MTCH1: variants seen among roughly 807,000 people sequenced by gnomAD.
MTCH1 encodes the protein mitochondrial carrier 1.
In MTCH1, 23 loss-of-function variants were observed where a neutral mutation model predicts 49.3. The ratio of observed to expected loss-of-function variants is 0.47; its 90% CI spans 0.34 to 0.66. MTCH1 has a LOEUF of 0.66. MTCH1 is among the 30% of genes least tolerant of loss of function. The pLI is 0.01. For synonymous variants in MTCH1, 229 were observed against 215.2 expected (o/e 1.06, Z -0.56); for missense variants, 397 against 532.1 (o/e 0.75, Z 2.50).
rs1381917341 is a variant in MTCH1, at chr6:36,986,153, T to C, written c.21A>G (p.Glu7=). Residue 7 remains glutamate, a synonymous_variant, in exon 1 of 12, where the codon GAA becomes GAG. Transcript: ENST00000373627. MGASDP[E]VAPWARGGAA... ...CACCGCCGCGAGCCCAGGGCGCCAC[T>C]TCCGGGTCCGAAGCTCCCATGGCGC... is the stretch of plus-strand genomic sequence containing the variant. 1.4e-6 allele frequency: 2 copies of C among 1,436,638 alleles called. No individual in the cohort carries two copies. Among genetic ancestry groups the C allele is most frequent in the Non-Finnish European group, 1.8e-6 (2 of 1,102,908 alleles). 89.0% of individuals were successfully genotyped at this position (1,436,638 alleles called of 1,614,324 possible). A position where few individuals can be genotyped will look rare whatever the true frequency, so the allele number is the denominator to read the frequency against.
At position 36,981,638 on chromosome 6, in the gene MTCH1, G is replaced by A. The variant is rs368915787; in HGVS notation, c.356C>T (p.Thr119Ile). 9.9e-6 allele frequency: 16 copies of A among 1,613,810 alleles called. No individual in the cohort carries two copies. In the African/African-American group the frequency reaches 2.0e-4, roughly 20 times the overall value. ...GAGGACCTTCCTCCCCAGCACATTG[G>A]TCCCAAGGGTGGGGGGCATCGGCTC... ...GHEPMPPTLG[T>I]NVLGRKVLYL... The change falls in exon 2 of 12, where the codon ACC becomes ATC. Residue 119 changes from threonine (T) to isoleucine (I), a missense_variant. Coordinates refer to ENST00000373627, the MANE Select transcript of MTCH1 (RefSeq NM_001271641.2).
chr6:36,978,961 C>T (rs151249550), intron 2 of MTCH1, among the ~76,000 whole-genome samples: 133 of 143,872 alleles, frequency 9.2e-4, no homozygotes, highest in Non-Finnish European at 1.1e-3. Context: ...TTAAATGCTG[C>T]AACACAGAAA....
intron 7 of MTCH1, among the ~76,000 whole-genome samples, chr6:36,975,323 C>T (rs1160337641): frequency 1.3e-5 from 2 of 152,254 alleles, no homozygotes; most frequent in African/African-American, 4.8e-5. Context: ...GATTTTCAGT[C>T]ATGTTTTAGC....
Position 36,986,151 on chromosome 6 carries a change from A to C in MTCH1, c.23T>G (p.Val8Gly), listed in dbSNP as rs1360410336. Residue 8 changes from valine to glycine, a missense_variant, in exon 1 of 12, where the codon GTG (valine) becomes GGG (glycine). Coordinates refer to ENST00000373627, the MANE Select transcript of MTCH1 (RefSeq NM_001271641.2). ...GGCACCGCCGCGAGCCCAGGGCGCC[A>C]CTTCCGGGTCCGAAGCTCCCATGGC... MGASDPEVAPWARGGAAG... is the reference protein window; with the variant it reads MGASDPEGAPWARGGAAG... 5 of 1,435,976 alleles carry C rather than the reference A, an allele frequency of 3.5e-6. No individual in the cohort carries two copies. In the East Asian group the frequency reaches 1.2e-4, roughly 36 times the overall value. The allele number at this position is 1,435,976 out of a possible 1,614,324, so 89.0% of individuals were successfully genotyped here.
At position 36,977,318 on chromosome 6, in the gene MTCH1, G is replaced by A. The variant is rs1258211639; in HGVS notation, c.650-68C>T. On this transcript the variant is annotated intron_variant, in intron 5 of 11. Coordinates refer to ENST00000373627, the MANE Select transcript of MTCH1 (RefSeq NM_001271641.2). The surrounding 1 kb of genome is among the most constrained non-coding windows in gnomAD (Gnocchi z 5.4). The stretch of plus-strand genomic sequence containing the variant: ...CACACTTCATAATGCTCCAGCCACC[G>A]GGTGCCAGGTGCAGAGTGGCCACTG... The A allele has an allele frequency of 2.0e-5, 31 of 1,562,394 alleles. No individual in the cohort carries two copies. The East Asian group carries it at 5.4e-4, about 27-fold the overall frequency.
At chr6:36,984,603 TCCC>T (rs982398384) in intron 1 of MTCH1, among the ~76,000 whole-genome samples, 2 of 151,908 alleles carry the variant, frequency 1.3e-5, no homozygotes, top group African/African-American at 2.4e-5. Flanking sequence ...TTTACCTTCC[TCCC>T]CCCAAGCTTC....
intron 11 of MTCH1, chr6:36,969,584 C>T: frequency 1.7e-6 from 2 of 1,169,060 alleles, no homozygotes; most frequent in Non-Finnish European, 1.1e-6. Flanking sequence ...CAGCCCCACC[C>T]ACAGGCTCTC....
intron 1 of MTCH1, 110 bp from the exon 2 acceptor site, chr6:36,981,782 C>A (rs974999840): frequency 3.4e-6 from 3 of 870,106 alleles, no homozygotes; most frequent in Non-Finnish European, 5.2e-6. Flanking sequence ...CCCACAAATT[C>A]TAATGTGGCT....
At chr6:36,969,006 AG>A in intron 11 of MTCH1, 32 bp from the exon 12 acceptor site, 1 of 1,611,760 alleles carries the variant, frequency 6.2e-7, no homozygotes, top group Non-Finnish European at 8.5e-7. Flanking sequence ...GGTGAGTGAA[AG>A]GGAGGCCACG....
rs750316963 is a variant in MTCH1, at chr6:36,968,942, G to A, written c.1131C>T (p.Phe377=). Residue 377 remains phenylalanine, a synonymous_variant, in exon 12 of 12, where the codon TTC becomes TTT. Transcript: ENST00000373627. The part of the protein sequence containing the change: ...GQLFRGSSLL[F]RRVSSGSCFA... ...AGCATGATCCTGATGACACCCGGCG[G>A]AAAAGCAGGCTGGAGCCTCGGAAGA... 1 of 1,614,122 alleles carries A rather than the reference G, an allele frequency of 6.2e-7. No individual in the cohort carries two copies. Among genetic ancestry groups the A allele is most frequent in the South Asian group, 1.1e-5 (1 of 91,084 alleles).
Position 36,972,180 on chromosome 6 carries a change from T to G in MTCH1, c.906+472A>C, listed in dbSNP as rs1348858033. ...GGAGAGCCCAGAGCCTCTCCAGAAT[T>G]TGTGATCTCTGGGTCTCGATTTCTG... On this transcript the variant is annotated intron_variant, in intron 8 of 11. Coordinates refer to ENST00000373627, the MANE Select transcript of MTCH1 (RefSeq NM_001271641.2). The surrounding 1 kb of genome is among the most constrained non-coding windows in gnomAD (Gnocchi z 4.1). Among the ~76,000 whole-genome samples, 1 of 152,126 alleles carries G rather than the reference T, an allele frequency of 6.6e-6. No individual in the cohort carries two copies. Among genetic ancestry groups the G allele is most frequent in the Non-Finnish European group, 1.5e-5 (1 of 68,022 alleles).
intron 2 of MTCH1, among the ~76,000 whole-genome samples, chr6:36,980,709 G>A (rs1355835760): frequency 6.6e-6 from 1 of 152,216 alleles, no homozygotes; most frequent in African/African-American, 2.4e-5. Flanking sequence ...CAACCAAACA[G>A]GTAAGAGCAG....
chr6:36,985,720 G>T, intron 1 of MTCH1, 133 bp downstream of exon 1: 1 of 344,946 alleles, frequency 2.9e-6, no homozygotes, highest in Non-Finnish European at 5.5e-6. Flanking sequence ...CACCCACTCG[G>T]CCCCCCAAAC....
rs1377948850 is a variant in MTCH1, at chr6:36,968,648, G to A, written c.*255C>T. On this transcript the variant is annotated 3_prime_UTR_variant, in exon 12 of 12. Transcript: ENST00000373627. ...AAGACAGACTCAGCAAATCTGCGAG[G>A]TATGGGGATTCTGCCAACTCCCCAC... 2 of 567,474 alleles carry A rather than the reference G, an allele frequency of 3.5e-6. No individual in the cohort carries two copies. Among genetic ancestry groups the A allele is most frequent in the Non-Finnish European group, 3.4e-6 (1 of 294,790 alleles). The allele number at this position is 567,474 out of a possible 1,614,324, so 35.2% of individuals were successfully genotyped here.
In MTCH1 at chr6:36,977,049, C is replaced by G. The variant is rs1434749065; in HGVS notation, c.701+150G>C. 5 of 776,482 alleles carry G rather than the reference C, an allele frequency of 6.4e-6. No homozygotes were observed. The highest frequency in any genetic ancestry group is 1.1e-5 in the Non-Finnish European group (5 of 456,458). 48.1% of individuals were successfully genotyped at this position (776,482 alleles called of 1,614,324 possible). On this transcript the variant is annotated intron_variant, in intron 6 of 11. Transcript: ENST00000373627. The surrounding 1 kb of genome is among the most constrained non-coding windows in gnomAD (Gnocchi z 5.4). ...AATGACCCTGGACAGACTATTGAAGCCACTGCCACATTCCTCAGAAGCCAG... is the reference window on the plus strand; with the variant it reads ...AATGACCCTGGACAGACTATTGAAGGCACTGCCACATTCCTCAGAAGCCAG...
At position 36,977,399 on chromosome 6, in the gene MTCH1, T is replaced by C; in HGVS notation, c.650-149A>G. On this transcript the variant is annotated intron_variant, in intron 5 of 11. Transcript: ENST00000373627. This position sits in a 1 kb window ranked among gnomAD's most constrained non-coding sequence, Gnocchi z 5.4. ...GGAAGAGGGCCTTTCGGATTCCCTG[T>C]TACACCCCATGACCACAGCATGCCA... 2 of 814,920 alleles carry C rather than the reference T, an allele frequency of 2.5e-6. No homozygotes were observed. The highest frequency in any genetic ancestry group is 2.6e-5 in the East Asian group (1 of 37,858). The allele number at this position is 814,920 out of a possible 1,614,324, so 50.5% of individuals were successfully genotyped here. A position where few individuals can be genotyped will look rare whatever the true frequency, so the allele number is the denominator to read the frequency against.
At chr6:36,979,614 A>G (rs533674877) in intron 2 of MTCH1, among the ~76,000 whole-genome samples, 1 of 152,286 alleles carries the variant, frequency 6.6e-6, no homozygotes, top group African/African-American at 2.4e-5. Flanking sequence ...AACACCTGTT[A>G]CCTGTATATG....
chr6:36,979,840 A>C (rs1764025289), intron 2 of MTCH1, among the ~76,000 whole-genome samples: 1 of 152,150 alleles, frequency 6.6e-6, no homozygotes, highest in Admixed American at 6.5e-5. Context: ...CCTGTAAAAA[A>C]AGAAGGAATA....
intron 7 of MTCH1, among the ~76,000 whole-genome samples, chr6:36,975,034 T>C (rs1034978658): frequency 6.6e-6 from 1 of 152,190 alleles, no homozygotes; most frequent in Non-Finnish European, 1.5e-5. Context: ...ACACTGGATG[T>C]GACGTGACGA....
Sources: allele counts gnomAD v4.1 joint callset (sites outside exome capture counted in the v4.1 genomes callset), GRCh38; gene constraint gnomAD v4.1.1; non-coding constraint Gnocchi (gnomAD v3.1); transcripts MANE v1.5; gene names NCBI Gene and HGNC (gene_info 2026-07-23, HGNC 2026-07-21).